The following MYO16 variants were observed in gnomAD, a reference collection of about 807,000 sequenced individuals.
MYO16 encodes the protein unconventional myosin-XVI.
Under a neutral mutation model 205.3 loss-of-function variants are expected in MYO16, and 94 were observed. The ratio of observed to expected loss-of-function variants is 0.46; its 90% CI spans 0.39 to 0.54. MYO16 has a LOEUF of 0.54. Ranked by LOEUF, MYO16 falls within the 20% of genes least tolerant of loss-of-function variation. MYO16 has a pLI of 0.00. For missense variants in MYO16, 2,315 were observed against 2,387.5 expected, an observed-to-expected ratio of 0.97 and a Z score of 0.63; for synonymous variants, 988 against 954.0, an observed-to-expected ratio of 1.04 and a Z score of -0.66.
chr13:109,175,160 A>G (rs77642890), intron 33 of MYO16, among the ~76,000 whole-genome samples: 2,038 of 152,282 alleles, frequency 0.013, 40 homozygotes, highest in African/African-American at 0.045. Context: ...AAAATCACAC[A>G]GAACTCCAGG....
At chr13:108,923,552 C>T (rs558782833) in intron 16 of MYO16, among the ~76,000 whole-genome samples, 42 of 152,338 alleles carry the variant, frequency 2.8e-4, no homozygotes, top group African/African-American at 9.4e-4. Context: ...AACACCAGCT[C>T]GGGCTGGTAT....
intron 1 of MYO16, among the ~76,000 whole-genome samples, chr13:108,609,197 C>A (rs565171020): frequency 1.3e-5 from 2 of 152,250 alleles, no homozygotes; most frequent in Admixed American, 1.3e-4. Context: ...ATGGCCTTCT[C>A]CTGTGCTTTC....
intron 22 of MYO16, among the ~76,000 whole-genome samples, chr13:109,014,504 A>G (rs1478759582): frequency 1.3e-5 from 2 of 152,182 alleles, no homozygotes; most frequent in East Asian, 3.9e-4. Flanking sequence ...TCTGTGAAGA[A>G]AGTCATTGGT....
intron 4 of MYO16, among the ~76,000 whole-genome samples, chr13:108,771,407 G>C (rs1885960326): frequency 6.6e-6 from 1 of 152,094 alleles, no homozygotes. Context: ...CGTGCTCCCT[G>C]ACCCCACACA....
intron 1 of MYO16, among the ~76,000 whole-genome samples, chr13:108,636,405 G>GTA (rs1880253093): frequency 2.3e-5 from 3 of 132,916 alleles, no homozygotes; most frequent in Non-Finnish European, 3.1e-5. Flanking sequence ...GTGTGTGTGT[G>GTA]TGTCTTGCTC....
the MYO16 span, among the ~76,000 whole-genome samples, chr13:108,552,343 G>A: frequency 6.6e-6 from 1 of 152,116 alleles, no homozygotes; most frequent in African/African-American, 2.4e-5. Flanking sequence ...ATCATGATTT[G>A]GTGCTTCTGT....
At position 109,206,803 on chromosome 13, in the gene MYO16, G is replaced by C. The variant is rs755159468; in HGVS notation, c.5610G>C (p.Arg1870Ser). Residue 1870 changes from arginine to serine, a missense_variant, in exon 35 of 35, where the codon AGG becomes AGC. Arg to Ser is a moderately radical substitution (Grantham distance 110). This residue lies in a region of MYO16 where 1,097 missense variants were observed against 1,092.0 expected (regional missense o/e 1.00). Coordinates refer to ENST00000457511, the MANE Select transcript of MYO16 (RefSeq NM_001198950.3). ...LKKPEGASCN[R>S]LPSELWDTTI ...AGCCGGAAGGGGCCTCCTGCAACAG[G>C]CTGCCGTCTGAGCTCTGGGACACCA... The C allele has an allele frequency of 6.2e-7, 1 of 1,614,132 alleles. No individual in the cohort carries two copies. Among genetic ancestry groups the C allele is most frequent in the East Asian group, 2.2e-5 (1 of 44,862 alleles).
chr13:108,544,939 C>T, the MYO16 span, among the ~76,000 whole-genome samples: 5 of 152,172 alleles, frequency 3.3e-5, no homozygotes, highest in Non-Finnish European at 5.9e-5. Context: ...GAATCTCACT[C>T]GTTTTTAATG....
chr13:108,862,823 T>A (rs763562405), intron 11 of MYO16, among the ~76,000 whole-genome samples: 2 of 152,312 alleles, frequency 1.3e-5, no homozygotes, highest in Non-Finnish European at 2.9e-5. Context: ...GATTTTTCAT[T>A]TCACAAAATG....
chr13:108,875,869 G>A (rs1188828544), intron 12 of MYO16, among the ~76,000 whole-genome samples: 1 of 152,032 alleles, frequency 6.6e-6, no homozygotes, highest in African/African-American at 2.4e-5. Flanking sequence ...GCGAGACCCT[G>A]TCTCAAAAAA....
the MYO16 span, among the ~76,000 whole-genome samples, chr13:108,528,612 TCCCCTCCC>T: frequency 3.7e-4 from 2 of 5,396 alleles, no homozygotes; most frequent in Non-Finnish European, 7.6e-4. Flanking sequence ...TCTCCTCTCC[TCCCCTCCC>T]CTCTCCCCCT....
intron 8 of MYO16, 29 bp from the exon 9 acceptor site, chr13:108,823,096 T>C (rs1316988067): frequency 1.3e-6 from 2 of 1,590,926 alleles, no homozygotes; most frequent in Admixed American, 3.4e-5. Flanking sequence ...CCCATCATTT[T>C]TCTGATTTTT....
At chr13:108,900,370 C>A (rs1225966546) in intron 15 of MYO16, among the ~76,000 whole-genome samples, 1 of 152,104 alleles carries the variant, frequency 6.6e-6, no homozygotes, top group Non-Finnish European at 1.5e-5. Context: ...CATTGAGACC[C>A]AGAGGTGATA....
chr13:108,935,033 T>A (rs561380010), intron 16 of MYO16, among the ~76,000 whole-genome samples: 1 of 152,276 alleles, frequency 6.6e-6, no homozygotes, highest in South Asian at 2.1e-4. Context: ...AGCCTTAGAG[T>A]ATAGTATGAA....
At chr13:108,676,378 TG>T (rs1882207966) in intron 2 of MYO16, among the ~76,000 whole-genome samples, 7 of 116,736 alleles carry the variant, frequency 6.0e-5, no homozygotes, top group African/African-American at 2.6e-4. Flanking sequence ...TACGCGTGTG[TG>T]TGTGTGTGTG....
At chr13:108,619,778 G>A (rs1392920562) in intron 1 of MYO16, among the ~76,000 whole-genome samples, 1 of 152,054 alleles carries the variant, frequency 6.6e-6, no homozygotes, top group Non-Finnish European at 1.5e-5. Flanking sequence ...TCTCCTATGT[G>A]TGTCCTCCCC....
chr13:109,168,152 A>C (rs764271006), intron 33 of MYO16, among the ~76,000 whole-genome samples: 29 of 152,146 alleles, frequency 1.9e-4, no homozygotes, highest in Non-Finnish European at 3.8e-4. Context: ...AAGGGGATAA[A>C]ATAGGAAAAA....
intron 2 of MYO16, among the ~76,000 whole-genome samples, chr13:108,694,060 A>G (rs749120133): frequency 1.3e-5 from 2 of 152,208 alleles, no homozygotes; most frequent in Non-Finnish European, 2.9e-5. Flanking sequence ...TTATGGCCAC[A>G]TAGTATTTCA....
chr13:108,782,843 G>T (rs1886346475), intron 4 of MYO16, among the ~76,000 whole-genome samples: 1 of 152,198 alleles, frequency 6.6e-6, no homozygotes, highest in Admixed American at 6.5e-5. Flanking sequence ...TATTGAGCCT[G>T]CAGGTAGACA....
Sources: allele counts gnomAD v4.1 joint callset (sites outside exome capture counted in the v4.1 genomes callset), GRCh38; gene constraint gnomAD v4.1.1; regional missense constraint gnomAD v4.1.1; transcripts MANE v1.5; gene names NCBI Gene and HGNC (gene_info 2026-07-23, HGNC 2026-07-21).